C2CD5: variants seen among roughly 807,000 people sequenced by gnomAD.
The protein encoded by C2CD5 is C2 domain-containing protein 5.
C2CD5 carries 109 observed loss-of-function variants against 130.3 expected under a neutral mutation model. The ratio of observed to expected loss-of-function variants is 0.84; its 90% CI spans 0.72 to 0.98. C2CD5 has a LOEUF of 0.98. C2CD5 is among the 50% of genes least tolerant of loss of function. The pLI, the probability that C2CD5 is intolerant of heterozygous loss-of-function variation, is 0.00. For missense variants in C2CD5, 996 were observed against 1,261.8 expected (o/e 0.79, Z 3.19); for synonymous variants, 454 against 429.2 (o/e 1.06, Z -0.71).
At position 22,459,536 on chromosome 12, in the gene C2CD5, A is replaced by G. The variant is rs1565646746; in HGVS notation, c.2540T>C (p.Leu847Pro). 6.5e-7 allele frequency: 1 copy of G among 1,528,864 alleles called. No homozygotes were observed. Among genetic ancestry groups the G allele is most frequent in the Non-Finnish European group, 8.8e-7 (1 of 1,140,548 alleles). 94.7% of individuals were successfully genotyped at this position (1,528,864 alleles called of 1,614,324 possible). A position where few individuals can be genotyped will look rare whatever the true frequency, so the allele number is the denominator to read the frequency against. ...ACCTGAGTTAGAACTTGCACTCTCC[A>G]GGTGTTCTAATAAGACAATATGAAC... ...SHPFPPAKEH[L>P]ESASSNSGIP... Residue 847 changes from leucine to proline, a missense_variant, in exon 23 of 27, where the codon CTG becomes CCG. By Grantham distance (98) the Leu-to-Pro change is moderately conservative. This residue lies in a region of C2CD5 where 590 missense variants were observed against 631.4 expected (regional missense o/e 0.93). Transcript: ENST00000446597.
intron 16 of C2CD5, among the ~76,000 whole-genome samples, chr12:22,473,307 C>T (rs1591990849): frequency 6.6e-6 from 1 of 152,144 alleles, no homozygotes. Context: ...AACTATCCAG[C>T]TGGACAGGCG....
intron 7 of C2CD5, among the ~76,000 whole-genome samples, chr12:22,519,567 T>G (rs569587594): frequency 6.6e-6 from 1 of 152,208 alleles, no homozygotes; most frequent in Middle Eastern, 3.4e-3. Context: ...TTTGTCATTA[T>G]TTTCATCACA....
At chr12:22,487,631 G>C (rs1435987815) in intron 12 of C2CD5, among the ~76,000 whole-genome samples, 1 of 152,018 alleles carries the variant, frequency 6.6e-6, no homozygotes, top group Admixed American at 6.6e-5. Flanking sequence ...AACCATTGTG[G>C]AAGTCAGTGT....
intron 12 of C2CD5, among the ~76,000 whole-genome samples, chr12:22,488,822 T>C (rs543660715): frequency 2.6e-4 from 40 of 152,114 alleles, no homozygotes; most frequent in African/African-American, 9.4e-4. Context: ...AATATCTTAG[T>C]TATAAATGCG....
chr12:22,543,444 G>C (rs1952605495), intron 2 of C2CD5, among the ~76,000 whole-genome samples: 1 of 152,250 alleles, frequency 6.6e-6, no homozygotes, highest in Non-Finnish European at 1.5e-5. Context: ...AGGAAGTGTT[G>C]CAGTTGTGTT....
At chr12:22,484,048 G>A (rs1208607471) in intron 13 of C2CD5, among the ~76,000 whole-genome samples, 4 of 152,222 alleles carry the variant, frequency 2.6e-5, no homozygotes, top group East Asian at 1.9e-4. Flanking sequence ...CAAACCCATG[G>A]CTCTCAAGGA....
chr12:22,454,585 T>C (rs1431590566), intron 25 of C2CD5, among the ~76,000 whole-genome samples: 6 of 133,832 alleles, frequency 4.5e-5, no homozygotes, highest in African/African-American at 1.4e-4. Flanking sequence ...TTTTTTTTTT[T>C]CAGAGAACAA....
intron 16 of C2CD5, among the ~76,000 whole-genome samples, chr12:22,473,940 A>G (rs1943439220): frequency 6.6e-6 from 1 of 152,092 alleles, no homozygotes; most frequent in Non-Finnish European, 1.5e-5. Context: ...AAATAACCAT[A>G]TAAGTTGAGT....
chr12:22,450,754 C>T (rs909095490), intron 26 of C2CD5, among the ~76,000 whole-genome samples: 2 of 152,094 alleles, frequency 1.3e-5, no homozygotes, highest in Non-Finnish European at 2.9e-5. Flanking sequence ...TTATGCATCA[C>T]ATTGTTTTTG....
intron 11 of C2CD5, among the ~76,000 whole-genome samples, chr12:22,492,280 T>G (rs1591826553): frequency 6.6e-6 from 1 of 152,002 alleles, no homozygotes; most frequent in Admixed American, 6.6e-5. Flanking sequence ...GGGCTGAAAG[T>G]AGGGTTCAAG....
At chr12:22,502,466 T>G (rs188574275) in intron 10 of C2CD5, among the ~76,000 whole-genome samples, 65 of 152,262 alleles carry the variant, frequency 4.3e-4, no homozygotes, top group Admixed American at 7.2e-4. Context: ...GTAATAAATA[T>G]AATTTTAAAT....
intron 2 of C2CD5, among the ~76,000 whole-genome samples, chr12:22,543,030 G>C (rs1276690982): frequency 6.6e-6 from 1 of 152,192 alleles, no homozygotes; most frequent in East Asian, 1.9e-4. Flanking sequence ...TTTCTCAAAT[G>C]AAGTGATTAA....
chr12:22,482,554 T>C lies in C2CD5; in HGVS notation c.1737+3A>G. On this transcript the variant is annotated splice_donor_region_variant and intron_variant, in intron 14 of 26. Transcript: ENST00000446597. The stretch of plus-strand genomic sequence containing the variant: ...AAACAAAACCAAAAACATCTAAACT[T>C]ACCGCTAAGCCCATCAACATATTTT... 1 of 1,610,696 alleles carries C rather than the reference T, an allele frequency of 6.2e-7. No homozygotes were observed. Among genetic ancestry groups the C allele is most frequent in the Non-Finnish European group, 8.5e-7 (1 of 1,178,370 alleles).
chr12:22,458,006 A>T (rs1453629477), intron 24 of C2CD5, among the ~76,000 whole-genome samples: 1 of 152,138 alleles, frequency 6.6e-6, no homozygotes, highest in East Asian at 1.9e-4. Context: ...TTACCTCAAA[A>T]TTTACCAAAA....
At chr12:22,452,265 T>C (rs1000128673) in intron 26 of C2CD5, among the ~76,000 whole-genome samples, 2 of 152,142 alleles carry the variant, frequency 1.3e-5, no homozygotes, top group African/African-American at 4.8e-5. Flanking sequence ...CCAGATAATA[T>C]CAAGTGATAT....
chr12:22,479,550 T>A (rs569881413), intron 14 of C2CD5, among the ~76,000 whole-genome samples: 1 of 152,338 alleles, frequency 6.6e-6, no homozygotes, highest in Non-Finnish European at 1.5e-5. Context: ...GACAGGGAAC[T>A]TTCTCAAGCC....
intron 3 of C2CD5, among the ~76,000 whole-genome samples, chr12:22,530,076 C>CTATATATATATA (rs918605281): frequency 7.8e-5 from 6 of 77,294 alleles, no homozygotes; most frequent in South Asian, 5.7e-4. Flanking sequence ...TATTTGAGTG[C>CTATATATATATA]TATATATATA....
Position 22,456,982 on chromosome 12 carries a change from A to G in C2CD5, c.2866T>C (p.Ser956Pro). Residue 956 changes from serine (S) to proline (P), a missense_variant, in exon 25 of 27, where the codon TCT becomes CCT. Transcript: ENST00000446597. ...INMFFIRETT[S>P]LREEGGVSGF... ...TTCTATAAAATTACCTCCCGAAGAGAAGTAGTCTCTCGAATAAAAAACATG... is the reference window on the plus strand; with the variant it reads ...TTCTATAAAATTACCTCCCGAAGAGGAGTAGTCTCTCGAATAAAAAACATG... 1 of 1,582,242 alleles carries G rather than the reference A, an allele frequency of 6.3e-7. No individual in the cohort carries two copies. Among genetic ancestry groups the G allele is most frequent in the Non-Finnish European group, 8.6e-7 (1 of 1,160,824 alleles).
intron 3 of C2CD5, among the ~76,000 whole-genome samples, chr12:22,533,310 G>A (rs1424179636): frequency 6.6e-6 from 1 of 152,150 alleles, no homozygotes; most frequent in Non-Finnish European, 1.5e-5. Context: ...AAAATAAAAG[G>A]TGCCTTCACG....
Sources: allele counts gnomAD v4.1 joint callset (sites outside exome capture counted in the v4.1 genomes callset), GRCh38; gene constraint gnomAD v4.1.1; regional missense constraint gnomAD v4.1.1; transcripts MANE v1.5; gene names NCBI Gene and HGNC (gene_info 2026-07-23, HGNC 2026-07-21).